SERPINI1: variants seen among roughly 807,000 people sequenced by gnomAD.
The protein encoded by SERPINI1 is serpin family I member 1, also known as neuroserpin.
A neutral mutation model predicts 41.1 loss-of-function variants in SERPINI1; 19 were observed. The observed-to-expected ratio is 0.46, with a 90% confidence interval of 0.32 to 0.68. The LOEUF (loss-of-function observed/expected upper bound fraction) is 0.68, where lower values mean the gene tolerates loss of function less well. Among genes scored for constraint, SERPINI1 ranks in the 30% least tolerant of loss-of-function variants. The pLI, the probability that SERPINI1 is intolerant of heterozygous loss-of-function variation, is 0.03. For missense variants in SERPINI1, 460 were observed against 479.2 expected, an observed-to-expected ratio of 0.96 and a Z score of 0.37; for synonymous variants, 138 against 156.6, an observed-to-expected ratio of 0.88 and a Z score of 0.89.
chr3:167,762,019 C>T (rs1419259024), intron 1 of SERPINI1, among the ~76,000 whole-genome samples: 5 of 152,082 alleles, frequency 3.3e-5, no homozygotes, highest in Non-Finnish European at 5.9e-5. Context: ...CCATGAAAAA[C>T]GTTCTTAAGA....
chr3:167,775,023 G>A (rs1479448091), intron 1 of SERPINI1, among the ~76,000 whole-genome samples: 1 of 151,874 alleles, frequency 6.6e-6, no homozygotes, highest in Non-Finnish European at 1.5e-5. Flanking sequence ...ATGACTAACA[G>A]CCCTATATCC....
At chr3:167,764,802 C>T (rs926593597) in intron 1 of SERPINI1, among the ~76,000 whole-genome samples, 2 of 152,164 alleles carry the variant, frequency 1.3e-5, no homozygotes, top group Admixed American at 6.5e-5. Flanking sequence ...GGGGTACAGG[C>T]ATTGCATAAA....
chr3:167,744,708 AAAATATATATAAATATAT>A (rs1348369266), intron 1 of SERPINI1, among the ~76,000 whole-genome samples: 2 of 131,296 alleles, frequency 1.5e-5, no homozygotes, highest in Admixed American at 8.4e-5. Flanking sequence ...AAATATATAT[AAAATATATATAAATATAT>A]AAATATATAT....
chr3:167,803,513 A>G (rs990268659), intron 5 of SERPINI1, among the ~76,000 whole-genome samples: 2 of 152,256 alleles, frequency 1.3e-5, no homozygotes, highest in African/African-American at 4.8e-5. Context: ...GCATGCTAGC[A>G]CCATCCTATG....
At chr3:167,768,976 G>C (rs1726653112) in intron 1 of SERPINI1, among the ~76,000 whole-genome samples, 1 of 139,728 alleles carries the variant, frequency 7.2e-6, no homozygotes, top group South Asian at 2.3e-4. Context: ...CTCTAATTTT[G>C]TTCTTTTGTT....
intron 6 of SERPINI1, among the ~76,000 whole-genome samples, chr3:167,820,573 A>G (rs1177807056): frequency 6.6e-6 from 1 of 152,226 alleles, no homozygotes; most frequent in Non-Finnish European, 1.5e-5. Flanking sequence ...CAGTGCTGAC[A>G]CATCAACCCC....
At chr3:167,813,748 C>T (rs1343494516) in intron 6 of SERPINI1, among the ~76,000 whole-genome samples, 2 of 152,150 alleles carry the variant, frequency 1.3e-5, no homozygotes, top group African/African-American at 4.8e-5. Flanking sequence ...AAAGCATAGA[C>T]ATCTTTCTGT....
At chr3:167,752,159 C>T (rs998365129) in intron 1 of SERPINI1, among the ~76,000 whole-genome samples, 1 of 152,120 alleles carries the variant, frequency 6.6e-6, no homozygotes, top group Non-Finnish European at 1.5e-5. Context: ...AGAGCTTGGC[C>T]ATAGGGCACC....
chr3:167,785,520 T>C (rs1249072216), intron 1 of SERPINI1, among the ~76,000 whole-genome samples: 5 of 152,208 alleles, frequency 3.3e-5, no homozygotes, highest in African/African-American at 1.2e-4. Flanking sequence ...ATCCTGGCTC[T>C]AGCACTTCCT....
chr3:167,800,735 C>CTAA (rs1282930926), intron 5 of SERPINI1, among the ~76,000 whole-genome samples: 48 of 152,138 alleles, frequency 3.2e-4, no homozygotes, highest in African/African-American at 1.2e-3. Context: ...ATTAATAAAG[C>CTAA]ATTTTAGTTT....
intron 1 of SERPINI1, among the ~76,000 whole-genome samples, chr3:167,763,784 T>G (rs1306584212): frequency 2.0e-5 from 3 of 152,160 alleles, no homozygotes; most frequent in Admixed American, 1.3e-4. Flanking sequence ...AACCATCTCC[T>G]AGGAAATTCT....
At chr3:167,775,214 C>T (rs11924608) in intron 1 of SERPINI1, among the ~76,000 whole-genome samples, 18,868 of 146,462 alleles carry the variant, frequency 0.13, 1,468 homozygotes, top group African/African-American at 0.22. Context: ...CAGGGTACAA[C>T]GAAGTGTCAC....
At position 167,825,539 on chromosome 3, in the gene SERPINI1, T is replaced by C; in HGVS notation, c.*216T>C. The C allele has an allele frequency of 1.9e-6, 1 of 514,974 alleles. No individual in the cohort carries two copies. Among genetic ancestry groups the C allele is most frequent in the Non-Finnish European group, 3.5e-6 (1 of 288,582 alleles). 31.9% of individuals were successfully genotyped at this position (514,974 alleles called of 1,614,324 possible). A position where few individuals can be genotyped will look rare whatever the true frequency, so the allele number is the denominator to read the frequency against. ...ATGTCATTGTGTTTGTGTGCTGTTG[T>C]TTAAAATAAAAGTACCTATTGAACA... On this transcript the variant is annotated 3_prime_UTR_variant, in exon 9 of 9. Transcript: ENST00000446050.
intron 1 of SERPINI1, among the ~76,000 whole-genome samples, chr3:167,779,307 A>G (rs1278985347): frequency 1.3e-5 from 2 of 152,242 alleles, no homozygotes; most frequent in South Asian, 2.1e-4. Flanking sequence ...TTTTAGCTCA[A>G]TAATTAATGA....
chr3:167,806,023 G>C (rs976286264), intron 5 of SERPINI1, among the ~76,000 whole-genome samples: 7 of 152,096 alleles, frequency 4.6e-5, no homozygotes, highest in Admixed American at 3.9e-4. Context: ...ACATTCACAT[G>C]TATGTATATT....
chr3:167,760,845 C>T (rs1018343422), intron 1 of SERPINI1, among the ~76,000 whole-genome samples: 2 of 152,090 alleles, frequency 1.3e-5, no homozygotes, highest in African/African-American at 4.8e-5. Flanking sequence ...CTGAAAATAA[C>T]AGTGTAAAGG....
At chr3:167,741,814 A>C (rs905274879) in intron 1 of SERPINI1, among the ~76,000 whole-genome samples, 1 of 152,212 alleles carries the variant, frequency 6.6e-6, no homozygotes, top group African/African-American at 2.4e-5. Flanking sequence ...TGGCAGGTTA[A>C]ATAGTATCTT....
chr3:167,798,828 G>A (rs374083769), intron 5 of SERPINI1, among the ~76,000 whole-genome samples: 1 of 152,052 alleles, frequency 6.6e-6, no homozygotes, highest in African/African-American at 2.4e-5. Flanking sequence ...CAGACACTGA[G>A]GATGACTAGA....
Position 167,824,529 on chromosome 3 carries a change from C to G in SERPINI1, c.1123C>G (p.Pro375Ala). The change falls in exon 8 of 9, where the codon CCA becomes GCA. Residue 375 changes from proline (P) to alanine (A), a missense_variant. By Grantham distance (27) the Pro-to-Ala change is conservative. Coordinates refer to ENST00000446050, the MANE Select transcript of SERPINI1 (RefSeq NM_001122752.2). ...GTATCCTCAAGTTATTGTCGACCAT[C>G]CATTTTTCTTTCTTATCAGAAACAG... ...VLYPQVIVDH[P>A]FFFLIRNRRT... 2 of 1,613,510 alleles carry G rather than the reference C, an allele frequency of 1.2e-6. No homozygotes were observed. Among genetic ancestry groups the G allele is most frequent in the Admixed American group, 1.7e-5 (1 of 59,998 alleles).
Sources: gnomAD v4.1 joint callset for allele counts (sites outside exome capture counted in the v4.1 genomes callset) on GRCh38, gnomAD v4.1.1 for gene constraint, MANE v1.5 for transcripts, NCBI Gene and HGNC (gene_info 2026-07-23, HGNC 2026-07-21) for gene names.